MYCBP2: variants seen among roughly 807,000 people sequenced by gnomAD.
The protein encoded by MYCBP2 is E3 ubiquitin-protein ligase MYCBP2.
Under a neutral mutation model 525.3 loss-of-function variants are expected in MYCBP2, and 120 were observed. The observed-to-expected ratio is 0.23, with a 90% CI of 0.20 to 0.27. MYCBP2 has a LOEUF of 0.27. Ranked by LOEUF, MYCBP2 falls within the 10% of genes least tolerant of loss-of-function variation. The pLI, the probability that MYCBP2 is intolerant of heterozygous loss-of-function variation, is 1.00. For missense variants in MYCBP2, 4,149 were observed against 5,657.1 expected (o/e 0.73, Z 8.55); for synonymous variants, 1,894 against 1,955.8 (o/e 0.97, Z 0.83).
chr13:77,236,787 A>G (rs1256162113), intron 17 of MYCBP2, among the ~76,000 whole-genome samples: 3 of 152,032 alleles, frequency 2.0e-5, no homozygotes. Flanking sequence ...AGTCCTAGCT[A>G]CTCGGGAGGC....
chr13:77,236,811 T>A (rs1189502225), intron 17 of MYCBP2, among the ~76,000 whole-genome samples: 3 of 151,796 alleles, frequency 2.0e-5, no homozygotes, highest in African/African-American at 4.8e-5. Flanking sequence ...GGCAGGAGGG[T>A]CACTTGGGCC....
At chr13:77,210,128 T>A (rs1285194920) in intron 23 of MYCBP2, among the ~76,000 whole-genome samples, 1 of 152,018 alleles carries the variant, frequency 6.6e-6, no homozygotes, top group Non-Finnish European at 1.5e-5. Flanking sequence ...CCTATTAGTA[T>A]CCAAAGCTAG....
intron 55 of MYCBP2, among the ~76,000 whole-genome samples, chr13:77,102,898 T>C (rs2047290242): frequency 6.6e-6 from 1 of 151,928 alleles, no homozygotes; most frequent in African/African-American, 2.4e-5. Flanking sequence ...ATTTCAAAAA[T>C]TCCCCCAATT....
At chr13:77,286,055 C>T (rs1042620182) in intron 3 of MYCBP2, among the ~76,000 whole-genome samples, 2 of 152,108 alleles carry the variant, frequency 1.3e-5, no homozygotes, top group African/African-American at 2.4e-5. Context: ...AGTAAGTTCA[C>T]AAAACTTGTA....
intron 20 of MYCBP2, among the ~76,000 whole-genome samples, chr13:77,223,965 T>C (rs1441411388): frequency 6.6e-6 from 1 of 152,234 alleles, no homozygotes; most frequent in Non-Finnish European, 1.5e-5. Flanking sequence ...TCTCTACTAC[T>C]ATTTGCAATA....
chr13:77,085,707 G>A (rs1170445573), intron 62 of MYCBP2, among the ~76,000 whole-genome samples: 1 of 152,162 alleles, frequency 6.6e-6, no homozygotes, highest in Non-Finnish European at 1.5e-5. Flanking sequence ...TTTCTTGAAT[G>A]CTTCTGGCAT....
chr13:77,155,560 A>C (rs1201797332), intron 46 of MYCBP2, among the ~76,000 whole-genome samples: 2 of 151,832 alleles, frequency 1.3e-5, no homozygotes, highest in Non-Finnish European at 2.9e-5. Context: ...TATCCTAAAA[A>C]CTCTATATTC....
intron 30 of MYCBP2, 65 bp from the exon 31 acceptor site, chr13:77,186,128 G>T: frequency 8.3e-7 from 1 of 1,209,124 alleles, no homozygotes; most frequent in Non-Finnish European, 1.1e-6. Flanking sequence ...GGAATCAAAT[G>T]GAAAGGCAAT....
chr13:77,139,770 G>A (rs112203623), intron 51 of MYCBP2, among the ~76,000 whole-genome samples: 236 of 152,206 alleles, frequency 1.6e-3, no homozygotes, highest in African/African-American at 5.4e-3. Context: ...ATGTCATGAA[G>A]AACTATACCC....
intron 79 of MYCBP2, 70 bp downstream of exon 79, chr13:77,056,916 G>A (rs2038211984): frequency 1.1e-5 from 13 of 1,221,414 alleles, no homozygotes; most frequent in Non-Finnish European, 1.6e-5. Context: ...ACTGACATAT[G>A]TTTATTTTGA....
chr13:77,302,451 C>A (rs2078907777), intron 1 of MYCBP2, among the ~76,000 whole-genome samples: 1 of 151,892 alleles, frequency 6.6e-6, no homozygotes, highest in Non-Finnish European at 1.5e-5. Flanking sequence ...ATCATGTAAC[C>A]TTTAAGAATG....
intron 68 of MYCBP2, among the ~76,000 whole-genome samples, chr13:77,071,808 A>T (rs1345540868): frequency 6.6e-6 from 1 of 152,230 alleles, no homozygotes; most frequent in Non-Finnish European, 1.5e-5. Flanking sequence ...TCACTAAAAC[A>T]GACTATATTA....
chr13:77,186,921 ACC>A (rs1566855302), intron 30 of MYCBP2, among the ~76,000 whole-genome samples: 1 of 143,540 alleles, frequency 7.0e-6, no homozygotes, highest in Non-Finnish European at 1.5e-5. Context: ...TCCTCTCACC[ACC>A]CCCTCAGCCT....
chr13:77,113,910 TTGATATG>T (rs1469892689), intron 55 of MYCBP2, among the ~76,000 whole-genome samples: 8 of 152,288 alleles, frequency 5.3e-5, no homozygotes, highest in Non-Finnish European at 1.2e-4. Context: ...TTATTAAACT[TTGATATG>T]TGAACCAATG....
rs145021130 is a variant in MYCBP2 at position 77,081,634 on chromosome 13, C to T, written c.11211G>A (p.Met3737Ile). Residue 3737 changes from methionine (M) to isoleucine (I), a missense_variant, in exon 65 of 83, where the codon ATG (methionine) becomes ATA (isoleucine). Physicochemically the swap from Met to Ile is conservative, Grantham distance 10. Coordinates refer to ENST00000544440, the MANE Select transcript of MYCBP2 (RefSeq NM_015057.5). This position sits in a 1 kb window ranked among gnomAD's most constrained non-coding sequence, Gnocchi z 4.6. ...CAATGCTGGTTAAGTCCTTTAAGCA[C>T]ATTACTATGCATAATTCCTATCAGA... ...EAMSQELCIV[M>I]CLKDLTSIVD... The T allele has an allele frequency of 1.9e-6, 3 of 1,609,216 alleles. No homozygotes were observed.
At chr13:77,193,375 A>G (rs182220369) in intron 27 of MYCBP2, among the ~76,000 whole-genome samples, 2 of 152,250 alleles carry the variant, frequency 1.3e-5, no homozygotes, top group Admixed American at 1.3e-4. Context: ...TGTACAAGCA[A>G]AGTCAGTATC....
chr13:77,077,210 C>T lies in MYCBP2; in HGVS notation c.11662G>A (p.Val3888Met), dbSNP rs151204446. ...GCTTCACAGTTCCTCTGCTGGGCCA[C>T]ACTGGCTGAAATCTGGCCAGCTATT... Reference protein sequence around the residue: ...TKIAGQISASVAQQRNCEAET... With the variant: ...TKIAGQISASMAQQRNCEAET... The change falls in exon 67 of 83, where the codon GTG becomes ATG. Residue 3888 changes from valine (V) to methionine (M), a missense_variant. Transcript: ENST00000544440. The T allele has an allele frequency of 1.9e-5, 31 of 1,614,078 alleles. No individual in the cohort carries two copies. The African/African-American group carries it at 4.0e-4, about 21-fold the overall frequency.
In MYCBP2 at chr13:77,093,219, G is replaced by C; in HGVS notation, c.10313C>G (p.Ala3438Gly). ...PAPYISVTPD[A>G]SPNVFEEPES... is the part of the protein sequence containing the mutation. Reference sequence around the variant, plus strand: ...TGGCTCTTCAAATACATTAGGACTTGCATCAGGAGTTACTGATATATACGG... The same window carrying C: ...TGGCTCTTCAAATACATTAGGACTTCCATCAGGAGTTACTGATATATACGG... Residue 3438 changes from alanine to glycine, a missense_variant, in exon 59 of 83, where the codon GCA becomes GGA. Physicochemically the swap from Ala to Gly is moderately conservative, Grantham distance 60. This residue lies in a region of MYCBP2 where 509 missense variants were observed against 789.4 expected (regional missense o/e 0.64). Transcript: ENST00000544440. 6.2e-7 allele frequency: 1 copy of C among 1,613,178 alleles called. No individual in the cohort carries two copies. The highest frequency in any genetic ancestry group is 8.5e-7 in the Non-Finnish European group (1 of 1,179,454).
At chr13:77,138,984 CCTAT>C (rs374808776) in intron 52 of MYCBP2, among the ~76,000 whole-genome samples, 65 of 152,258 alleles carry the variant, frequency 4.3e-4, no homozygotes, top group African/African-American at 1.5e-3. Flanking sequence ...CTACTTCCTG[CCTAT>C]CTGTGATGGA....
Sources: gnomAD v4.1 joint callset for allele counts (sites outside exome capture counted in the v4.1 genomes callset) on GRCh38, gnomAD v4.1.1 for gene constraint, gnomAD v4.1.1 regional missense constraint, Gnocchi (gnomAD v3.1) non-coding constraint, MANE v1.5 for transcripts, NCBI Gene and HGNC (gene_info 2026-07-23, HGNC 2026-07-21) for gene names.